Variants in GABBR2 observed in about 807,000 individuals in gnomAD.
The protein encoded by GABBR2 is gamma-aminobutyric acid type B receptor subunit 2, also known as G-protein coupled receptor 51.
In GABBR2, 23 loss-of-function variants were observed where a neutral mutation model predicts 105.6. The observed-to-expected ratio is 0.22, with a 90% confidence interval of 0.16 to 0.31. The LOEUF is 0.31. GABBR2 is among the 10% of genes least tolerant of loss of function. The pLI, the probability that GABBR2 is intolerant of heterozygous loss-of-function variation, is 1.00. For missense variants in GABBR2, 734 were observed against 1,245.5 expected, an observed-to-expected ratio of 0.59 and a Z score of 6.18; for synonymous variants, 478 against 499.7, an observed-to-expected ratio of 0.96 and a Z score of 0.58.
At chr9:98,682,246 C>CA (rs201484439) in intron 1 of GABBR2, among the ~76,000 whole-genome samples, 123 of 136,256 alleles carry the variant, frequency 9.0e-4, no homozygotes, top group Admixed American at 5.4e-3. Context: ...AAAAACAAAA[C>CA]AAAAAAAAAC....
intron 2 of GABBR2, among the ~76,000 whole-genome samples, chr9:98,567,218 T>C (rs1828765507): frequency 1.3e-5 from 2 of 152,210 alleles, no homozygotes; most frequent in Non-Finnish European, 2.9e-5. Context: ...ACTTACACAT[T>C]GGGAACTGAT....
intron 1 of GABBR2, among the ~76,000 whole-genome samples, chr9:98,684,224 C>T (rs1037705358): frequency 8.2e-6 from 1 of 121,400 alleles, no homozygotes; most frequent in Non-Finnish European, 1.7e-5. Flanking sequence ...ACTCAAGTAA[C>T]AGCAGCAGAT....
chr9:98,708,400 G>A lies in GABBR2; in HGVS notation c.321+17C>T, dbSNP rs1356541928. 2 of 1,380,570 alleles carry A rather than the reference G, an allele frequency of 1.4e-6. No homozygotes were observed. The highest frequency in any genetic ancestry group is 4.8e-5 in the Admixed American group (2 of 41,276). 85.5% of individuals were successfully genotyped at this position (1,380,570 alleles called of 1,614,324 possible). A position where few individuals can be genotyped will look rare whatever the true frequency, so the allele number is the denominator to read the frequency against. ...TGCCCCCCGAAGCCCCGACGGCAGG[G>A]GCAGCCGGACACTCACCTCCGTGTC... On this transcript the variant is annotated intron_variant, in intron 1 of 18. Coordinates refer to ENST00000259455, the MANE Select transcript of GABBR2 (RefSeq NM_005458.8).
intron 1 of GABBR2, among the ~76,000 whole-genome samples, chr9:98,608,789 G>A (rs888420458): frequency 2.6e-5 from 4 of 152,064 alleles, no homozygotes; most frequent in Non-Finnish European, 4.4e-5. Flanking sequence ...CTTCATTTTT[G>A]TAATAACATT....
At chr9:98,433,708 C>G (rs1346452984) in intron 7 of GABBR2, among the ~76,000 whole-genome samples, 1 of 152,092 alleles carries the variant, frequency 6.6e-6, no homozygotes, top group African/African-American at 2.4e-5. Context: ...CCTTCCCTGC[C>G]TGATTCATTT....
intron 1 of GABBR2, chr9:98,707,529 A>G (rs2131891850): frequency 6.5e-6 from 1 of 152,686 alleles, no homozygotes; most frequent in East Asian, 1.9e-4. Context: ...GGCTTCAGGC[A>G]GAACCCAAAC....
chr9:98,707,030 G>T (rs865937602), intron 1 of GABBR2, among the ~76,000 whole-genome samples: 1 of 152,188 alleles, frequency 6.6e-6, no homozygotes, highest in South Asian at 2.1e-4. Flanking sequence ...CAGCCTGCGC[G>T]TACCGCTGCC....
At chr9:98,314,765 G>GA (rs537179639) in intron 13 of GABBR2, among the ~76,000 whole-genome samples, 59 of 152,318 alleles carry the variant, frequency 3.9e-4, no homozygotes, top group Non-Finnish European at 6.2e-4. Context: ...GATCTACAGA[G>GA]AGGGGACACA....
intron 6 of GABBR2, among the ~76,000 whole-genome samples, chr9:98,470,850 A>G (rs1400859406): frequency 6.6e-6 from 1 of 151,818 alleles, no homozygotes; most frequent in East Asian, 1.9e-4. Flanking sequence ...AATCTTGATT[A>G]CCGATGTATC....
At chr9:98,505,804 C>G (rs1420561806) in intron 3 of GABBR2, among the ~76,000 whole-genome samples, 1 of 152,206 alleles carries the variant, frequency 6.6e-6, no homozygotes, top group Non-Finnish European at 1.5e-5. Flanking sequence ...CAAGGATTCT[C>G]TCCTAGAGAC....
intron 1 of GABBR2, among the ~76,000 whole-genome samples, chr9:98,593,915 C>T (rs559914744): frequency 6.6e-5 from 10 of 152,324 alleles, no homozygotes; most frequent in Admixed American, 2.0e-4. Flanking sequence ...CCCCACCTGA[C>T]AGATGAGAGC....
chr9:98,402,153 A>G (rs1281107042), intron 8 of GABBR2, among the ~76,000 whole-genome samples: 1 of 152,130 alleles, frequency 6.6e-6, no homozygotes, highest in Non-Finnish European at 1.5e-5. Flanking sequence ...TCATTCCCCG[A>G]GATTCTTACA....
intron 1 of GABBR2, among the ~76,000 whole-genome samples, chr9:98,586,530 C>A (rs1376990122): frequency 2.0e-5 from 3 of 152,168 alleles, no homozygotes. Context: ...GAACTCCTGA[C>A]CTCAAGTGAT....
intron 2 of GABBR2, among the ~76,000 whole-genome samples, chr9:98,575,369 A>C (rs1042411001): frequency 6.6e-6 from 1 of 152,134 alleles, no homozygotes; most frequent in Non-Finnish European, 1.5e-5. Context: ...TGCAAGAAAG[A>C]CCAGGAATGA....
intron 1 of GABBR2, among the ~76,000 whole-genome samples, chr9:98,588,369 T>TAG (rs1472599848): frequency 6.6e-6 from 1 of 152,226 alleles, no homozygotes; most frequent in Non-Finnish European, 1.5e-5. Flanking sequence ...CTCTAAAAAT[T>TAG]CTTTGAACAG....
chr9:98,530,410 A>C (rs1334258459), intron 3 of GABBR2, among the ~76,000 whole-genome samples: 1 of 152,162 alleles, frequency 6.6e-6, no homozygotes, highest in Admixed American at 6.5e-5. Context: ...ACCGGGGTTC[A>C]TGTCTATACC....
rs1011016644 is a variant in GABBR2 at position 98,659,060 on chromosome 9, G to GA, written c.321+49356dup. 7.2e-5 allele frequency among the ~76,000 whole-genome samples: 11 copies of GA among 152,286 alleles called. No individual in the cohort carries two copies. In the East Asian group the frequency reaches 1.9e-3, roughly 27 times the overall value. On this transcript the variant is annotated intron_variant, in intron 1 of 18. Transcript: ENST00000259455. The stretch of plus-strand genomic sequence containing the variant: ...GCAATGGTGGTATTTTCTCAGCCAA[G>GA]AAAAACTATTATACGTCTTGAGGCA...
intron 13 of GABBR2, among the ~76,000 whole-genome samples, chr9:98,343,747 A>T (rs1831255369): frequency 6.6e-6 from 1 of 151,980 alleles, no homozygotes; most frequent in South Asian, 2.1e-4. Context: ...AGTCCCAGCT[A>T]CTCAGGAGGC....
chr9:98,388,378 C>A lies in GABBR2; in HGVS notation c.1529+476G>T, dbSNP rs1832114455. Among the ~76,000 whole-genome samples, 1 of 152,132 alleles carries A rather than the reference C, an allele frequency of 6.6e-6. No homozygotes were observed. Among genetic ancestry groups the A allele is most frequent in the Non-Finnish European group, 1.5e-5 (1 of 68,008 alleles). On this transcript the variant is annotated intron_variant, in intron 10 of 18. Transcript: ENST00000259455. The surrounding 1 kb of genome is among the most constrained non-coding windows in gnomAD (Gnocchi z 4.4). ...GCTTCCTGGCCGTAATGAACTGTAC[C>A]AATGGGAGTCCATTTCACTGGACTT...
Sources: gnomAD v4.1 joint callset for allele counts (sites outside exome capture counted in the v4.1 genomes callset) on GRCh38, gnomAD v4.1.1 for gene constraint, Gnocchi (gnomAD v3.1) non-coding constraint, MANE v1.5 for transcripts, NCBI Gene and HGNC (gene_info 2026-07-23, HGNC 2026-07-21) for gene names.